Variants in ADAMTS17 observed in about 807,000 individuals in gnomAD.
The protein encoded by ADAMTS17 is A disintegrin and metalloproteinase with thrombospondin motifs 17.
ADAMTS17 carries 113 observed loss-of-function variants against 141.5 expected under a neutral mutation model. That is an observed-to-expected ratio of 0.80 (90% CI 0.69 to 0.93). The LOEUF (loss-of-function observed/expected upper bound fraction) is 0.93. Ranked by LOEUF, ADAMTS17 falls within the 40% of genes least tolerant of loss-of-function variation. The pLI, the probability that ADAMTS17 is intolerant of heterozygous loss-of-function variation, is 0.00. For synonymous variants in ADAMTS17, 768 were observed against 630.6 expected, an observed-to-expected ratio of 1.22 and a Z score of -3.27; for missense variants, 1,659 against 1,517.9, an observed-to-expected ratio of 1.09 and a Z score of -1.54.
chr15:100,145,106 T>A (rs1206373946), intron 10 of ADAMTS17, among the ~76,000 whole-genome samples: 1 of 152,160 alleles, frequency 6.6e-6, no homozygotes, highest in Admixed American at 6.6e-5. Flanking sequence ...TCTAGAAAAT[T>A]TTAAGATAAA....
chr15:100,249,042 G>A (rs193045737), intron 7 of ADAMTS17, among the ~76,000 whole-genome samples: 66 of 151,978 alleles, frequency 4.3e-4, no homozygotes, highest in African/African-American at 1.5e-3. Context: ...CACGTGATCC[G>A]CCCACCTCGG....
chr15:100,190,759 C>T (rs1481995796), intron 8 of ADAMTS17, among the ~76,000 whole-genome samples: 1 of 152,250 alleles, frequency 6.6e-6, no homozygotes, highest in African/African-American at 2.4e-5. Flanking sequence ...GATCACACCC[C>T]TGCCACCTGA....
chr15:100,095,069 A>C (rs372238926), intron 15 of ADAMTS17, among the ~76,000 whole-genome samples: 12 of 152,348 alleles, frequency 7.9e-5, no homozygotes, highest in African/African-American at 2.9e-4. Flanking sequence ...AATGAATTAC[A>C]GTTTGGATCG....
At chr15:100,166,429 T>G (rs1229894497) in intron 8 of ADAMTS17, among the ~76,000 whole-genome samples, 2 of 152,200 alleles carry the variant, frequency 1.3e-5, no homozygotes, top group Non-Finnish European at 2.9e-5. Flanking sequence ...ATATTAAATA[T>G]CAGTTACAAC....
chr15:100,179,453 A>G (rs10162785), intron 8 of ADAMTS17, among the ~76,000 whole-genome samples: 2,408 of 152,228 alleles, frequency 0.016, 78 homozygotes, highest in African/African-American at 0.054. Flanking sequence ...CTGTTGATGA[A>G]CACTTTGGTT....
At chr15:100,008,595 C>T (rs961647499) in intron 18 of ADAMTS17, among the ~76,000 whole-genome samples, 12 of 152,220 alleles carry the variant, frequency 7.9e-5, no homozygotes, top group Non-Finnish European at 1.6e-4. Flanking sequence ...GGTCTGGTGA[C>T]GAGCCTGGGC....
At chr15:99,987,434 C>T (rs1455925838) in intron 20 of ADAMTS17, among the ~76,000 whole-genome samples, 1 of 152,218 alleles carries the variant, frequency 6.6e-6, no homozygotes, top group Non-Finnish European at 1.5e-5. Flanking sequence ...AGCCTTCTCT[C>T]TGCTTTCCTT....
At chr15:100,082,168 C>G (rs1433134171) in intron 15 of ADAMTS17, among the ~76,000 whole-genome samples, 2 of 151,948 alleles carry the variant, frequency 1.3e-5, no homozygotes, top group Non-Finnish European at 2.9e-5. Flanking sequence ...TGGGTTCAAG[C>G]GATTCTCCTG....
chr15:100,001,831 T>G (rs2060929406), intron 18 of ADAMTS17, among the ~76,000 whole-genome samples: 1 of 150,504 alleles, frequency 6.6e-6, no homozygotes, highest in Non-Finnish European at 1.5e-5. Context: ...TAGCCCCCCG[T>G]GGTGGTGTGC....
intron 7 of ADAMTS17, among the ~76,000 whole-genome samples, chr15:100,212,405 T>C (rs1330202095): frequency 2.6e-5 from 4 of 152,214 alleles, no homozygotes; most frequent in African/African-American, 9.6e-5. Flanking sequence ...GGAGTTTCCT[T>C]TTAAAACACA....
intron 14 of ADAMTS17, among the ~76,000 whole-genome samples, chr15:100,104,289 C>T (rs1441952828): frequency 6.6e-6 from 1 of 152,188 alleles, no homozygotes; most frequent in African/African-American, 2.4e-5. Flanking sequence ...TTTATAGGAG[C>T]TTGCTGAAAA....
At chr15:100,160,827 T>C (rs76442031) in intron 8 of ADAMTS17, among the ~76,000 whole-genome samples, 3,098 of 152,272 alleles carry the variant, frequency 0.02, 167 homozygotes, top group East Asian at 0.19. Context: ...GCTCATCACT[T>C]TACAGTTTGA....
In ADAMTS17 at chr15:99,974,522, T is replaced by C. The variant is rs1433877959; in HGVS notation, c.3168A>G (p.Val1056=). 1.2e-6 allele frequency: 2 copies of C among 1,614,210 alleles called. No individual in the cohort carries two copies. Among genetic ancestry groups the C allele is most frequent in the African/African-American group, 1.3e-5 (1 of 75,060 alleles). ...TCTTTTCTCGGATGACCCGGCAATA[T>C]ACCGTCCACTGGTCTCGTGTGCATT... ...TYKCTRDQWT[V]YCRVIREKNL... The change falls in exon 22 of 22, where the codon GTA becomes GTG. Residue 1056 remains valine, a synonymous_variant. Coordinates refer to ENST00000268070, the MANE Select transcript of ADAMTS17 (RefSeq NM_139057.4).
In ADAMTS17 at chr15:100,261,605, C is replaced by G; in HGVS notation, c.905G>C (p.Arg302Pro). ...CCAGTGACAGAAGCTCTCCAGGGAC[C>G]GCTCACCATGGTGCCCAATGGACAA... Reference protein sequence around the residue: ...AKLSIGHHGERSLESFCHWQN... With the variant: ...AKLSIGHHGEPSLESFCHWQN... The change falls in exon 6 of 22, where the codon CGG (arginine) becomes CCG (proline). Residue 302 changes from arginine to proline, a missense_variant. By Grantham distance (103) the Arg-to-Pro change is moderately radical. Transcript: ENST00000268070. The G allele has an allele frequency of 1.9e-6, 3 of 1,614,026 alleles. No individual in the cohort carries two copies. Among genetic ancestry groups the G allele is most frequent in the Non-Finnish European group, 2.5e-6 (3 of 1,179,970 alleles).
intron 6 of ADAMTS17, among the ~76,000 whole-genome samples, chr15:100,259,910 T>A (rs1005930868): frequency 7.2e-5 from 11 of 152,186 alleles, no homozygotes; most frequent in African/African-American, 2.7e-4. Context: ...AATGGCATGA[T>A]CTCAGTTCAC....
At position 100,212,783 on chromosome 15, in the gene ADAMTS17, C is replaced by G. The variant is rs550881492; in HGVS notation, c.1076-13360G>C. The stretch of plus-strand genomic sequence containing the variant: ...ATAGAAAACATGAGGAAAGGTCTCA[C>G]ATTATTCACCAACAATGTCACTTGT... On this transcript the variant is annotated intron_variant, in intron 7 of 21. Coordinates refer to ENST00000268070, the MANE Select transcript of ADAMTS17 (RefSeq NM_139057.4). 1.8e-3 allele frequency among the ~76,000 whole-genome samples: 243 copies of G among 138,018 alleles called. 7 individuals are homozygous for G. The South Asian group carries it at 0.049, about 28-fold the overall frequency. The allele number at this position is 138,018 out of a possible 152,430, so 90.5% of individuals were successfully genotyped here. A position where few individuals can be genotyped will look rare whatever the true frequency, so the allele number is the denominator to read the frequency against.
chr15:100,251,858 C>A (rs904974178), intron 7 of ADAMTS17, among the ~76,000 whole-genome samples: 1 of 152,160 alleles, frequency 6.6e-6, no homozygotes, highest in African/African-American at 2.4e-5. Context: ...AGAGGAAAGG[C>A]CACAAGAGGA....
chr15:100,220,772 G>A (rs552881218), intron 7 of ADAMTS17, among the ~76,000 whole-genome samples: 13 of 152,194 alleles, frequency 8.5e-5, no homozygotes, highest in Middle Eastern at 3.4e-3. Flanking sequence ...CACGATATGC[G>A]GCCTTTTGTG....
At chr15:100,210,728 G>A (rs2141713853) in intron 7 of ADAMTS17, among the ~76,000 whole-genome samples, 1 of 150,724 alleles carries the variant, frequency 6.6e-6, no homozygotes, top group East Asian at 2.0e-4. Flanking sequence ...CACCATGGGA[G>A]GCCAAGGTGG....
Sources: gnomAD v4.1 joint callset for allele counts (sites outside exome capture counted in the v4.1 genomes callset) on GRCh38, gnomAD v4.1.1 for gene constraint, MANE v1.5 for transcripts, NCBI Gene and HGNC (gene_info 2026-07-23, HGNC 2026-07-21) for gene names.